Variants in CNTN5 observed in about 807,000 individuals in gnomAD.
CNTN5 encodes contactin-5.
In CNTN5, 77 loss-of-function variants were observed where a neutral mutation model predicts 129.1. The ratio of observed to expected loss-of-function variants is 0.60; its 90% CI spans 0.50 to 0.72. The LOEUF is 0.72. Among genes scored for constraint, CNTN5 ranks in the 30% least tolerant of loss-of-function variants. The pLI is 0.00. For synonymous variants in CNTN5, 509 were observed against 465.6 expected (o/e 1.09, Z -1.20); for missense variants, 1,478 against 1,328.8 (o/e 1.11, Z -1.75).
At chr11:99,379,462 T>C (rs1940390960) in intron 2 of CNTN5, among the ~76,000 whole-genome samples, 1 of 152,090 alleles carries the variant, frequency 6.6e-6, no homozygotes, top group Admixed American at 6.5e-5. Flanking sequence ...GAGTTTTACC[T>C]CAAGTGCCAT....
At chr11:100,304,502 C>A (rs1176469036) in intron 20 of CNTN5, among the ~76,000 whole-genome samples, 1 of 151,466 alleles carries the variant, frequency 6.6e-6, no homozygotes, top group Non-Finnish European at 1.5e-5. Flanking sequence ...AAACAGGAAT[C>A]AAAGGAGTTA....
chr11:99,701,676 G>A (rs1954526037), intron 3 of CNTN5, among the ~76,000 whole-genome samples: 1 of 151,082 alleles, frequency 6.6e-6, no homozygotes, highest in South Asian at 2.1e-4. Context: ...AATAGAAAAT[G>A]TTTAATTTTC....
At chr11:99,643,199 C>T (rs923217802) in intron 3 of CNTN5, among the ~76,000 whole-genome samples, 1 of 151,148 alleles carries the variant, frequency 6.6e-6, no homozygotes, top group Non-Finnish European at 1.5e-5. Flanking sequence ...TGTGCAAAAT[C>T]TCAATAATGG....
At chr11:99,744,520 A>G (rs1220123360) in intron 3 of CNTN5, among the ~76,000 whole-genome samples, 4 of 136,808 alleles carry the variant, frequency 2.9e-5, no homozygotes, top group Admixed American at 7.8e-5. Context: ...GCAACATAGC[A>G]AAACCCCGTC....
intron 13 of CNTN5, among the ~76,000 whole-genome samples, chr11:100,163,057 A>G (rs1947510725): frequency 6.6e-6 from 1 of 151,726 alleles, no homozygotes; most frequent in African/African-American, 2.4e-5. Flanking sequence ...ATTAAGTTTT[A>G]AAACAACATT....
At chr11:99,971,398 C>T (rs1322559975) in intron 8 of CNTN5, among the ~76,000 whole-genome samples, 2 of 151,840 alleles carry the variant, frequency 1.3e-5, no homozygotes, top group Non-Finnish European at 2.9e-5. Context: ...CAAAAATTAG[C>T]TGGGCGTGGT....
intron 2 of CNTN5, among the ~76,000 whole-genome samples, chr11:99,330,990 ACAC>A (rs1865976982): frequency 6.6e-6 from 1 of 152,002 alleles, no homozygotes; most frequent in Admixed American, 6.6e-5. Context: ...ACACACACAA[ACAC>A]AAATATATAT....
intron 20 of CNTN5, among the ~76,000 whole-genome samples, 152 bp downstream of exon 20, chr11:100,299,548 CT>C (rs1328139952): frequency 6.6e-6 from 1 of 151,324 alleles, no homozygotes; most frequent in African/African-American, 2.4e-5. Flanking sequence ...ATTTCCCAAA[CT>C]TTTTTTAATT....
At chr11:100,157,091 T>C (rs1947270309) in intron 13 of CNTN5, among the ~76,000 whole-genome samples, 1 of 152,030 alleles carries the variant, frequency 6.6e-6, no homozygotes, top group African/African-American at 2.4e-5. Flanking sequence ...TATTAGGGTG[T>C]TGATTTTAGA....
intron 3 of CNTN5, among the ~76,000 whole-genome samples, chr11:99,776,961 T>C (rs559495734): frequency 1.2e-4 from 19 of 152,102 alleles, no homozygotes; most frequent in South Asian, 2.1e-4. Context: ...TAAGAAATTA[T>C]GTTATTTTAA....
At chr11:100,297,477 A>G (rs576314066) in intron 18 of CNTN5, 148 bp from the exon 19 acceptor site, 98 of 655,948 alleles carry the variant, frequency 1.5e-4, no homozygotes, top group Non-Finnish European at 2.4e-4. Context: ...ATAGATTTGA[A>G]AGCAGGGTGT....
chr11:99,740,701 T>G (rs565334123), intron 3 of CNTN5, among the ~76,000 whole-genome samples: 1 of 152,132 alleles, frequency 6.6e-6, no homozygotes, highest in African/African-American at 2.4e-5. Context: ...CCATCAGAGG[T>G]TGCAGCAACT....
intron 21 of CNTN5, among the ~76,000 whole-genome samples, chr11:100,338,568 A>C (rs1020985106): frequency 6.6e-6 from 1 of 152,228 alleles, no homozygotes; most frequent in African/African-American, 2.4e-5. Context: ...CGCCGCAGTA[A>C]TGCAGGATTT....
intron 21 of CNTN5, 42 bp downstream of exon 21, chr11:100,308,510 T>C (rs1207111978): frequency 1.3e-6 from 2 of 1,571,324 alleles, no homozygotes; most frequent in East Asian, 2.3e-5. Context: ...TTGTTTCTTC[T>C]GACATCACAT....
rs542859996 is a variant in CNTN5, at chr11:99,495,245, G to T, written c.-70-60900G>T. ...TAGCCAGGTATGGTGGTGCACACCTGTAATCCCAGCTACTCAGGAGGCTGA... is the reference window on the plus strand; with the variant it reads ...TAGCCAGGTATGGTGGTGCACACCTTTAATCCCAGCTACTCAGGAGGCTGA... On this transcript the variant is annotated intron_variant, in intron 2 of 24. Transcript: ENST00000524871. 2.6e-5 allele frequency among the ~76,000 whole-genome samples: 4 copies of T among 152,262 alleles called. No individual in the cohort carries two copies. In the South Asian group the frequency reaches 8.3e-4, roughly 32 times the overall value.
chr11:99,657,700 C>T (rs879899690), intron 3 of CNTN5, among the ~76,000 whole-genome samples: 9 of 151,796 alleles, frequency 5.9e-5, no homozygotes, highest in African/African-American at 1.7e-4. Context: ...TCAATTATGA[C>T]GTATTATAAT....
At position 99,667,736 on chromosome 11, in the gene CNTN5, G is replaced by A. The variant is rs1185864590; in HGVS notation, c.55+111467G>A. Among the ~76,000 whole-genome samples, 2 of 152,106 alleles carry A rather than the reference G, an allele frequency of 1.3e-5. 1 individual carries two copies. The highest frequency in any genetic ancestry group is 2.9e-5 in the Non-Finnish European group (2 of 68,018). On this transcript the variant is annotated intron_variant, in intron 3 of 24. Coordinates refer to ENST00000524871, the MANE Select transcript of CNTN5 (RefSeq NM_014361.4). Reference sequence around the variant, plus strand: ...CACATGTTCTCACTCATAAGTGGGAGCTGAACAATGAGAACACATGGGCAC... The same window carrying A: ...CACATGTTCTCACTCATAAGTGGGAACTGAACAATGAGAACACATGGGCAC...
chr11:99,928,929 T>C (rs1332795424), intron 7 of CNTN5, among the ~76,000 whole-genome samples: 1 of 152,176 alleles, frequency 6.6e-6, no homozygotes, highest in East Asian at 1.9e-4. Context: ...CTCCAAACCT[T>C]ATCTTTATGA....
At chr11:99,821,840 C>A (rs149089947) in intron 4 of CNTN5, among the ~76,000 whole-genome samples, 13 of 152,266 alleles carry the variant, frequency 8.5e-5, no homozygotes, top group Non-Finnish European at 1.8e-4. Flanking sequence ...AGTGGCAAGG[C>A]TCTAGGCTGG....
Sources: gnomAD v4.1 joint callset for allele counts (sites outside exome capture counted in the v4.1 genomes callset) on GRCh38, gnomAD v4.1.1 for gene constraint, MANE v1.5 for transcripts, NCBI Gene and HGNC (gene_info 2026-07-23, HGNC 2026-07-21) for gene names.